CUX2: variants seen among roughly 807,000 people sequenced by gnomAD.
CUX2 encodes cut like homeobox 2, also known as homeobox protein cut-like 2.
CUX2 carries 40 observed loss-of-function variants against 144.8 expected under a neutral mutation model. The ratio of observed to expected loss-of-function variants is 0.28; its 90% CI spans 0.21 to 0.36. The LOEUF is 0.36. Among genes scored for constraint, CUX2 ranks in the 10% least tolerant of loss-of-function variants. The pLI, the probability that CUX2 is intolerant of heterozygous loss-of-function variation, is 1.00. For synonymous variants in CUX2, 827 were observed against 875.6 expected (o/e 0.94, Z 0.98); for missense variants, 1,615 against 1,994.0 (o/e 0.81, Z 3.62).
chr12:111,222,343 C>T (rs553419320), intron 3 of CUX2, among the ~76,000 whole-genome samples: 9 of 152,302 alleles, frequency 5.9e-5, no homozygotes, highest in Non-Finnish European at 8.8e-5. Flanking sequence ...TATGCTAACT[C>T]GGAGGTGAAA....
At chr12:111,095,008 C>G (rs1365939603) in intron 1 of CUX2, among the ~76,000 whole-genome samples, 5 of 152,156 alleles carry the variant, frequency 3.3e-5, no homozygotes, top group African/African-American at 9.7e-5. Flanking sequence ...AGTAATGCAG[C>G]CTTCAGTGTC....
intron 18 of CUX2, among the ~76,000 whole-genome samples, chr12:111,327,667 T>A (rs1267966286): frequency 6.6e-6 from 1 of 152,096 alleles, no homozygotes; most frequent in Non-Finnish European, 1.5e-5. Flanking sequence ...GTGCTCCTTG[T>A]GGAAGGAATG....
intron 3 of CUX2, among the ~76,000 whole-genome samples, chr12:111,221,897 A>C (rs1881880048): frequency 6.6e-6 from 1 of 152,126 alleles, no homozygotes; most frequent in Non-Finnish European, 1.5e-5. Context: ...GATTGCTTAA[A>C]GGACAGTTTA....
intron 1 of CUX2, among the ~76,000 whole-genome samples, chr12:111,165,617 C>G (rs1388390307): frequency 6.6e-6 from 1 of 152,134 alleles, no homozygotes; most frequent in African/African-American, 2.4e-5. Flanking sequence ...CCTCATTGTC[C>G]TTGTCTACAA....
At chr12:111,119,850 G>A in intron 1 of CUX2, among the ~76,000 whole-genome samples, 1 of 152,234 alleles carries the variant, frequency 6.6e-6, no homozygotes, top group Non-Finnish European at 1.5e-5. Flanking sequence ...CTGAGGTCAG[G>A]AGTTCGAGAC....
chr12:111,102,208 A>G (rs1213438090), intron 1 of CUX2, among the ~76,000 whole-genome samples: 2 of 152,174 alleles, frequency 1.3e-5, no homozygotes, highest in African/African-American at 2.4e-5. Flanking sequence ...GGGCCGCGCC[A>G]AATGCTGTGC....
At chr12:111,168,270 A>G (rs1446372090) in intron 1 of CUX2, among the ~76,000 whole-genome samples, 1 of 152,206 alleles carries the variant, frequency 6.6e-6, no homozygotes, top group Non-Finnish European at 1.5e-5. Flanking sequence ...AACCTGGGCA[A>G]CACCAGCCCT....
At chr12:111,219,466 G>A (rs1361902832) in intron 3 of CUX2, among the ~76,000 whole-genome samples, 2 of 152,006 alleles carry the variant, frequency 1.3e-5, no homozygotes, top group Non-Finnish European at 2.9e-5. Context: ...CCCTATAGCA[G>A]CTGATCCCTC....
intron 1 of CUX2, among the ~76,000 whole-genome samples, chr12:111,055,289 GCC>G (rs1354846605): frequency 1.2e-4 from 18 of 152,200 alleles, no homozygotes; most frequent in African/African-American, 4.1e-4. Context: ...AGTCCCAGAG[GCC>G]ACCGTCAGAG....
Position 111,306,014 on chromosome 12 carries a change from C to T in CUX2, c.859-907C>T, listed in dbSNP as rs74805404. On this transcript the variant is annotated intron_variant, in intron 10 of 21. Coordinates refer to ENST00000261726, the MANE Select transcript of CUX2 (RefSeq NM_015267.4). ...TGTGTGTGTCCATGTTCCTGGGTGACGGCATAACACAGAGAGAGTGAACAC... is the reference window on the plus strand; with the variant it reads ...TGTGTGTGTCCATGTTCCTGGGTGATGGCATAACACAGAGAGAGTGAACAC... Among the ~76,000 whole-genome samples, 209 of 152,076 alleles carry T rather than the reference C, an allele frequency of 1.4e-3. 2 individuals carry two copies. Among genetic ancestry groups the T allele is most frequent in the African/African-American group, 4.9e-3 (203 of 41,470 alleles).
chr12:111,096,276 T>C (rs1306593454), intron 1 of CUX2, among the ~76,000 whole-genome samples: 2 of 152,314 alleles, frequency 1.3e-5, no homozygotes, highest in East Asian at 3.9e-4. Flanking sequence ...CTTGGAGGTC[T>C]CAAGTTCCCT....
At chr12:111,267,290 T>C (rs1168869869) in intron 4 of CUX2, among the ~76,000 whole-genome samples, 1 of 151,516 alleles carries the variant, frequency 6.6e-6, no homozygotes, top group Non-Finnish European at 1.5e-5. Flanking sequence ...CAGAATCAGC[T>C]TCTGCATTTT....
intron 3 of CUX2, among the ~76,000 whole-genome samples, chr12:111,220,742 GCAAAAA>G (rs1302033378): frequency 1.0e-4 from 4 of 38,692 alleles, no homozygotes; most frequent in African/African-American, 5.3e-4. Context: ...CCTCATCTCT[GCAAAAA>G]AAAAAAAAAA....
chr12:111,100,608 C>A (rs1346676917), intron 1 of CUX2, among the ~76,000 whole-genome samples: 31 of 152,112 alleles, frequency 2.0e-4, no homozygotes, highest in Admixed American at 2.0e-3. Context: ...TGAGTGTACA[C>A]CCACAAGTGT....
chr12:111,085,385 C>T lies in CUX2; in HGVS notation c.63+51145C>T, dbSNP rs535977796. 3.3e-5 allele frequency among the ~76,000 whole-genome samples: 5 copies of T among 152,228 alleles called. No individual in the cohort carries two copies. The East Asian group carries it at 5.8e-4, about 18-fold the overall frequency. ...CCAGCATGCATCTGAGCAGGTCATG[C>T]GGAGATCTGGGGGAGGGTTGGGAAG... On this transcript the variant is annotated intron_variant, in intron 1 of 21. Transcript: ENST00000261726.
At chr12:111,259,786 T>C (rs539520508) in intron 3 of CUX2, among the ~76,000 whole-genome samples, 71 of 140,446 alleles carry the variant, frequency 5.1e-4, no homozygotes, top group African/African-American at 1.8e-3. Flanking sequence ...AAAGTGAGAC[T>C]CTGTCTCAAA....
chr12:111,141,069 G>T (rs11833337), intron 1 of CUX2, among the ~76,000 whole-genome samples: 1 of 152,252 alleles, frequency 6.6e-6, no homozygotes, highest in South Asian at 2.1e-4. Context: ...AGAAATGCCC[G>T]CTGCCTTAGA....
chr12:111,326,693 C>T (rs2136417072), intron 18 of CUX2, among the ~76,000 whole-genome samples: 1 of 152,158 alleles, frequency 6.6e-6, no homozygotes, highest in East Asian at 1.9e-4. Flanking sequence ...CACTTGAGCC[C>T]AGGAATTTGA....
intron 1 of CUX2, among the ~76,000 whole-genome samples, chr12:111,126,572 G>A (rs1180028193): frequency 6.6e-6 from 1 of 152,166 alleles, no homozygotes; most frequent in Admixed American, 6.5e-5. Flanking sequence ...CCTCTTACCC[G>A]AGGGAGGGTC....
Sources: gnomAD v4.1 joint callset for allele counts (sites outside exome capture counted in the v4.1 genomes callset) on GRCh38, gnomAD v4.1.1 for gene constraint, MANE v1.5 for transcripts, NCBI Gene and HGNC (gene_info 2026-07-23, HGNC 2026-07-21) for gene names.